CHST8: variants seen among roughly 807,000 people sequenced by gnomAD.
The protein encoded by CHST8 is carbohydrate sulfotransferase 8, also known as GALNAC-4-ST1.
In CHST8, 10 loss-of-function variants were observed where a neutral mutation model predicts 15.0. The ratio of observed to expected loss-of-function variants is 0.67; its 90% confidence interval spans 0.41 to 1.13. The LOEUF (loss-of-function observed/expected upper bound fraction) is 1.13. Among genes scored for constraint, CHST8 ranks in the 50% most tolerant of loss-of-function variants. The probability of loss-of-function intolerance (pLI) is 0.00; values close to 1 mark genes in which losing one functional copy is unlikely to be tolerated. For missense variants in CHST8, 634 were observed against 608.2 expected (o/e 1.04, Z -0.45); for synonymous variants, 259 against 256.6 (o/e 1.01, Z -0.09).
intron 3 of CHST8, among the ~76,000 whole-genome samples, chr19:33,766,733 C>G (rs572814448): frequency 1.1e-3 from 172 of 152,340 alleles, no homozygotes; most frequent in South Asian, 2.3e-3. Flanking sequence ...TCCCCACCCC[C>G]AGTCGGGCCA....
intron 1 of CHST8, among the ~76,000 whole-genome samples, chr19:33,631,819 G>C (rs892086458): frequency 6.6e-6 from 1 of 152,148 alleles, no homozygotes; most frequent in Non-Finnish European, 1.5e-5. Flanking sequence ...CTGGGACCTG[G>C]AGTCAGACCA....
chr19:33,689,054 TG>T, intron 2 of CHST8, 121 bp from the exon 3 acceptor site: 1 of 449,936 alleles, frequency 2.2e-6, no homozygotes, highest in Non-Finnish European at 3.7e-6. Context: ...AGGGCACCCC[TG>T]GGTAACTTGT....
At chr19:33,748,120 A>T (rs1974347905) in intron 3 of CHST8, among the ~76,000 whole-genome samples, 1 of 152,182 alleles carries the variant, frequency 6.6e-6, no homozygotes, top group African/African-American at 2.4e-5. Context: ...CCACTCACCC[A>T]AAGCCAGGCT....
chr19:33,682,330 A>C (rs1972905145), intron 2 of CHST8, among the ~76,000 whole-genome samples: 6 of 150,802 alleles, frequency 4.0e-5, no homozygotes, highest in Admixed American at 3.3e-4. Flanking sequence ...ATGCACTACC[A>C]CATGCAGCTA....
At chr19:33,679,858 C>T (rs1295915355) in intron 2 of CHST8, among the ~76,000 whole-genome samples, 1 of 152,248 alleles carries the variant, frequency 6.6e-6, no homozygotes, top group Non-Finnish European at 1.5e-5. Flanking sequence ...GTGTGATCAG[C>T]AGCCAGCCTC....
chr19:33,711,280 G>A (rs1973543594), intron 3 of CHST8, among the ~76,000 whole-genome samples: 1 of 150,102 alleles, frequency 6.7e-6, no homozygotes, highest in South Asian at 2.1e-4. Context: ...CTAAGTCTAG[G>A]ACTGGGGTCT....
At chr19:33,740,642 C>G (rs148863697) in intron 3 of CHST8, among the ~76,000 whole-genome samples, 1 of 152,330 alleles carries the variant, frequency 6.6e-6, no homozygotes, top group East Asian at 1.9e-4. Context: ...CTCTCTGTTT[C>G]AGGAGGTTCA....
chr19:33,650,180 C>T (rs1451954254), intron 1 of CHST8, among the ~76,000 whole-genome samples: 1 of 152,134 alleles, frequency 6.6e-6, no homozygotes, highest in Non-Finnish European at 1.5e-5. Flanking sequence ...GAGAGGAAGT[C>T]TAACGGTGGT....
At chr19:33,757,547 A>AGAAAGAAAGAGAAAGAAAGAAG (rs1568358965) in intron 3 of CHST8, among the ~76,000 whole-genome samples, 1 of 116,482 alleles carries the variant, frequency 8.6e-6, no homozygotes, top group Non-Finnish European at 1.8e-5. Context: ...AAAGAAAGAA[A>AGAAAGAAAGAGAAAGAAAGAAG]GAAAGAAAGA....
intron 3 of CHST8, among the ~76,000 whole-genome samples, chr19:33,740,393 A>C (rs1327446421): frequency 6.6e-6 from 1 of 152,224 alleles, no homozygotes; most frequent in Non-Finnish European, 1.5e-5. Context: ...TGGGCTGAGA[A>C]GATCTTCAGG....
At chr19:33,678,528 G>C (rs896670131) in intron 2 of CHST8, among the ~76,000 whole-genome samples, 1 of 152,084 alleles carries the variant, frequency 6.6e-6, no homozygotes, top group Non-Finnish European at 1.5e-5. Flanking sequence ...GATTACTGGA[G>C]GCCAGGAGTT....
intron 3 of CHST8, among the ~76,000 whole-genome samples, chr19:33,728,631 AG>A (rs1162642972): frequency 6.6e-6 from 1 of 152,244 alleles, no homozygotes; most frequent in Non-Finnish European, 1.5e-5. Context: ...AGACAGCCAC[AG>A]GCACCCAGAC....
At chr19:33,766,125 C>T (rs1245949911) in intron 3 of CHST8, among the ~76,000 whole-genome samples, 2 of 152,010 alleles carry the variant, frequency 1.3e-5, no homozygotes, top group African/African-American at 4.8e-5. Context: ...ATCAACCCGT[C>T]TCGCTCTCTC....
At chr19:33,639,678 G>C (rs1972252906) in intron 1 of CHST8, among the ~76,000 whole-genome samples, 1 of 152,048 alleles carries the variant, frequency 6.6e-6, no homozygotes, top group Non-Finnish European at 1.5e-5. Context: ...TTGGGACCGG[G>C]AGAGGAAGAA....
chr19:33,679,192 T>C (rs1972852418), intron 2 of CHST8, among the ~76,000 whole-genome samples: 1 of 152,240 alleles, frequency 6.6e-6, no homozygotes, highest in South Asian at 2.1e-4. Flanking sequence ...ACCCCAACTT[T>C]CAATTTTGAG....
At chr19:33,649,041 CT>C (rs1972397466) in intron 1 of CHST8, among the ~76,000 whole-genome samples, 1 of 151,576 alleles carries the variant, frequency 6.6e-6, no homozygotes, top group Non-Finnish European at 1.5e-5. Flanking sequence ...GTAGCTGGGA[CT>C]ACAGGCGCCC....
chr19:33,649,668 T>C (rs574994789), intron 1 of CHST8, among the ~76,000 whole-genome samples: 14 of 152,198 alleles, frequency 9.2e-5, no homozygotes, highest in Non-Finnish European at 1.8e-4. Flanking sequence ...TATAAATGCA[T>C]TACAGTTAAA....
At chr19:33,749,293 C>T (rs2022460592) in intron 3 of CHST8, among the ~76,000 whole-genome samples, 1 of 152,110 alleles carries the variant, frequency 6.6e-6, no homozygotes, top group African/African-American at 2.4e-5. Flanking sequence ...GCTGTGTGAC[C>T]TTAGTGGCTA....
intron 3 of CHST8, among the ~76,000 whole-genome samples, chr19:33,690,781 A>G (rs1306809523): frequency 2.0e-5 from 3 of 152,220 alleles, no homozygotes; most frequent in Non-Finnish European, 4.4e-5. Flanking sequence ...AGAACAGCTC[A>G]TGACACTGCA....
Sources: allele counts gnomAD v4.1 joint callset (sites outside exome capture counted in the v4.1 genomes callset), GRCh38; gene constraint gnomAD v4.1.1; transcripts MANE v1.5; gene names NCBI Gene and HGNC (gene_info 2026-07-23, HGNC 2026-07-21).